Variants in FBXL18 observed in about 807,000 individuals in gnomAD.
FBXL18 encodes the protein F-box/LRR-repeat protein 18.
Under a neutral mutation model 46.0 loss-of-function variants are expected in FBXL18, and 36 were observed. That is an observed-to-expected ratio of 0.78 (90% CI 0.60 to 1.03). The LOEUF (loss-of-function observed/expected upper bound fraction) is 1.03. Among genes scored for constraint, FBXL18 ranks in the 50% least tolerant of loss-of-function variants. The pLI is 0.00. For missense variants in FBXL18, 977 were observed against 1,004.1 expected (o/e 0.97, Z 0.36); for synonymous variants, 557 against 465.3 (o/e 1.20, Z -2.54).
chr7:5,467,443 G>A (rs906099421), intron 4 of FBXL18, among the ~76,000 whole-genome samples: 1 of 151,808 alleles, frequency 6.6e-6, no homozygotes, highest in Non-Finnish European at 1.5e-5. Context: ...TGACTCGGGA[G>A]GCTGAGGCAG....
intron 3 of FBXL18, among the ~76,000 whole-genome samples, chr7:5,497,363 G>A (rs182700163): frequency 1.7e-3 from 261 of 152,232 alleles, no homozygotes; most frequent in African/African-American, 5.6e-3. Context: ...CGCTCCCCAC[G>A]CACGGAGCCT....
At chr7:5,497,832 A>C (rs925893406) in intron 3 of FBXL18, among the ~76,000 whole-genome samples, 1 of 152,168 alleles carries the variant, frequency 6.6e-6, no homozygotes, top group Non-Finnish European at 1.5e-5. Flanking sequence ...GGCTCAGTGC[A>C]TGGCTCTCAG....
intron 3 of FBXL18, among the ~76,000 whole-genome samples, chr7:5,498,035 G>A (rs1027783879): frequency 1.7e-4 from 26 of 151,556 alleles, no homozygotes; most frequent in African/African-American, 6.3e-4. Context: ...TGAGGCTCAA[G>A]GCCTTCACTA....
At chr7:5,475,408 C>A (rs1434686417), downstream of FBXL18, among the ~76,000 whole-genome samples, 1 of 152,214 alleles carries the variant, frequency 6.6e-6, no homozygotes, top group Non-Finnish European at 1.5e-5. This position sits in a 1 kb window ranked among gnomAD's most constrained non-coding sequence, Gnocchi z 4.2. Context: ...GCCCTGCCTG[C>A]CTTCAGCCAG....
chr7:5,513,643 G>T lies in FBXL18; in HGVS notation c.18+14C>A. Reference sequence around the variant, plus strand: ...CCGAGGCAGAAGCAGAGCGGAGACAGTCGCGGACAGTACCTCTCCGGAGCT... The same window carrying T: ...CCGAGGCAGAAGCAGAGCGGAGACATTCGCGGACAGTACCTCTCCGGAGCT... On this transcript the variant is annotated intron_variant, in intron 1 of 4. Transcript: ENST00000382368. The T allele has an allele frequency of 6.2e-7, 1 of 1,612,118 alleles. No homozygotes were observed. The highest frequency in any genetic ancestry group is 8.5e-7 in the Non-Finnish European group (1 of 1,179,130).
In FBXL18 at chr7:5,505,428, A is replaced by C; in HGVS notation, c.221T>G (p.Leu74Arg). 1 of 1,614,126 alleles carries C rather than the reference A, an allele frequency of 6.2e-7. No individual in the cohort carries two copies. The highest frequency in any genetic ancestry group is 8.5e-7 in the Non-Finnish European group (1 of 1,180,014). ...CCTGCTCACCTGATAGTCCTTTTGCAGCAACACGGTGTGGATGAGGCTCTT... is the reference window on the plus strand; with the variant it reads ...CCTGCTCACCTGATAGTCCTTTTGCCGCAACACGGTGTGGATGAGGCTCTT... ...LDKSLIHTVL[L>R]QKDYQASEDK... Residue 74 changes from leucine to arginine, a missense_variant, in exon 2 of 5, where the codon CTG (leucine) becomes CGG (arginine). By Grantham distance (102) the Leu-to-Arg change is moderately radical. Transcript: ENST00000382368.
intron 4 of FBXL18, 30 bp downstream of exon 4, chr7:5,491,201 C>T (rs762824360): frequency 1.3e-5 from 20 of 1,583,108 alleles, no homozygotes; most frequent in Non-Finnish European, 1.7e-5. Flanking sequence ...TCTGCGGCCC[C>T]TGAAGCTGTA....
At chr7:5,498,375 G>C (rs577254947) in intron 3 of FBXL18, among the ~76,000 whole-genome samples, 4 of 151,214 alleles carry the variant, frequency 2.6e-5, no homozygotes, top group African/African-American at 4.9e-5. Context: ...CGTGAGCCAC[G>C]GCGCCCGGCC....
chr7:5,510,412 G>GGT (rs996641828), intron 1 of FBXL18, among the ~76,000 whole-genome samples: 2 of 151,336 alleles, frequency 1.3e-5, no homozygotes, highest in Non-Finnish European at 2.9e-5. Context: ...AGCCAGGCAC[G>GGT]GTGGCTCACG....
At chr7:5,506,553 C>CTTTTTTTTTTT (rs111764029) in intron 1 of FBXL18, among the ~76,000 whole-genome samples, 1 of 138,882 alleles carries the variant, frequency 7.2e-6, no homozygotes, top group Non-Finnish European at 1.5e-5. Flanking sequence ...CCATGCCCGG[C>CTTTTTTTTTTT]TTTTTTTTTT....
rs926220215 is a variant in FBXL18 at position 5,477,120 on chromosome 7, C to A, written c.*4655G>T. The A allele has an allele frequency of 1.3e-5, 2 of 152,116 alleles. No individual in the cohort carries two copies. Among genetic ancestry groups the A allele is most frequent in the African/African-American group, 4.8e-5 (2 of 41,390 alleles). The allele number at this position is 152,116 out of a possible 1,614,324, so 9.4% of individuals were successfully genotyped here. On this transcript the variant is annotated 3_prime_UTR_variant, in exon 5 of 5. Transcript: ENST00000382368. This position sits in a 1 kb window ranked among gnomAD's most constrained non-coding sequence, Gnocchi z 4.4. ...GCCAGGACGGTCTCGATCTCCTGAC[C>A]TCATGATCCGCCTGCCTCAGCCTCC... is the stretch of plus-strand genomic sequence containing the variant.
In FBXL18 at chr7:5,480,964, T is replaced by G. The variant is rs1783629643; in HGVS notation, c.*811A>C. ...TGGGTTTTAATGTTTCGCGTTATTCTAACAAAGCCGAATGTGTATCGATTT... is the reference window on the plus strand; with the variant it reads ...TGGGTTTTAATGTTTCGCGTTATTCGAACAAAGCCGAATGTGTATCGATTT... On this transcript the variant is annotated 3_prime_UTR_variant, in exon 5 of 5. Transcript: ENST00000382368. The G allele has an allele frequency of 7.6e-6, 1 of 131,722 alleles. No homozygotes were observed. The highest frequency in any genetic ancestry group is 2.4e-4 in the East Asian group (1 of 4,106). The allele number at this position is 131,722 out of a possible 1,614,324, so 8.2% of individuals were successfully genotyped here. A position where few individuals can be genotyped will look rare whatever the true frequency, so the allele number is the denominator to read the frequency against.
At chr7:5,457,283 G>A (rs1402035106) in intron 4 of FBXL18, among the ~76,000 whole-genome samples, 1 of 152,210 alleles carries the variant, frequency 6.6e-6, no homozygotes, top group Non-Finnish European at 1.5e-5. Flanking sequence ...GCAAATCAAG[G>A]TGCTCTCATT....
Position 5,477,484 on chromosome 7 carries a change from C to T in FBXL18, c.*4291G>A, listed in dbSNP as rs556587146. ...TTGGGAGGCCGAGGCAGGAGAATCA[C>T]TTGAGGTCAGGAGTTCAAGGCCAGC... On this transcript the variant is annotated 3_prime_UTR_variant, in exon 5 of 5. Transcript: ENST00000382368. This position sits in a 1 kb window ranked among gnomAD's most constrained non-coding sequence, Gnocchi z 4.4. Among the ~76,000 whole-genome samples the T allele has an allele frequency of 2.0e-5, 3 of 151,786 alleles. No homozygotes were observed. In the South Asian group the frequency reaches 6.2e-4, roughly 31 times the overall value.
chr7:5,502,070 G>A (rs1584237128), intron 2 of FBXL18, 39 bp from the exon 3 acceptor site: 1 of 1,454,994 alleles, frequency 6.9e-7, no homozygotes, highest in Non-Finnish European at 9.3e-7. Flanking sequence ...GAAGGAAAGG[G>A]CTGAAGGCAC....
chr7:5,500,544 C>T lies in FBXL18; in HGVS notation c.1725G>A (p.Val575=), dbSNP rs763577310. ...LANLGMMGKV[V]YMPALSDMLK... is the part of the protein sequence containing the mutation. ...ACATGTCTGAGAGCGCGGGCATGTA[C>T]ACCACCTTCCCCATCATGCCCAGGT... Residue 575 remains valine (V), a synonymous_variant, in exon 3 of 5, where the codon GTG becomes GTA. Transcript: ENST00000382368. 2.5e-6 allele frequency: 4 copies of T among 1,613,466 alleles called. No individual in the cohort carries two copies. Among genetic ancestry groups the T allele is most frequent in the Non-Finnish European group, 3.4e-6 (4 of 1,179,822 alleles).
In FBXL18 at chr7:5,468,318, T is replaced by C. The variant is rs189781559; in HGVS notation, c.2001-20475A>G. Among the ~76,000 whole-genome samples the C allele has an allele frequency of 6.8e-3, 1,026 of 150,678 alleles. 5 individuals carry two copies. Among genetic ancestry groups the C allele is most frequent in the African/African-American group, 0.014 (594 of 41,048 alleles). On this transcript the variant is annotated intron_variant and NMD_transcript_variant, in intron 4 of 6. Coordinates refer to the FBXL18 transcript ENST00000415009. ...ATTTTTAGTAGAAACGGGATTTCACTGTGTCAGCCAGGATGGCCTCGATCT... is the reference window on the plus strand; with the variant it reads ...ATTTTTAGTAGAAACGGGATTTCACCGTGTCAGCCAGGATGGCCTCGATCT...
rs115756156 is a variant in FBXL18 at position 5,510,030 on chromosome 7, G to A, written c.18+3627C>T. ...AAAAACCAGGGTGCAGGAAGGGCGCGGTAGCTCATGCGTGTAATTCCAGCA... is the reference window on the plus strand; with the variant it reads ...AAAAACCAGGGTGCAGGAAGGGCGCAGTAGCTCATGCGTGTAATTCCAGCA... On this transcript the variant is annotated intron_variant, in intron 1 of 4. Transcript: ENST00000382368. Among the ~76,000 whole-genome samples, 1,073 of 152,178 alleles carry A rather than the reference G, an allele frequency of 7.1e-3. 14 individuals are homozygous for A. The highest frequency in any genetic ancestry group is 0.024 in the African/African-American group (1,010 of 41,538).
chr7:5,508,671 G>A (rs2128238951), intron 1 of FBXL18, among the ~76,000 whole-genome samples: 1 of 151,950 alleles, frequency 6.6e-6, no homozygotes, highest in South Asian at 2.1e-4. Context: ...GACTTGTGGG[G>A]CCCAATCCCA....
Sources: gnomAD v4.1 joint callset for allele counts (sites outside exome capture counted in the v4.1 genomes callset) on GRCh38, gnomAD v4.1.1 for gene constraint, Gnocchi (gnomAD v3.1) non-coding constraint, MANE v1.5 for transcripts, NCBI Gene and HGNC (gene_info 2026-07-23, HGNC 2026-07-21) for gene names.